The following VSTM4 variants were observed in gnomAD, a reference collection of about 807,000 sequenced individuals.
VSTM4 encodes the protein V-set and transmembrane domain containing 4.
Under a neutral mutation model 36.4 loss-of-function variants are expected in VSTM4, and 20 were observed. The ratio of observed to expected loss-of-function variants is 0.55; its 90% CI spans 0.39 to 0.80. The LOEUF (loss-of-function observed/expected upper bound fraction) is 0.80. Among genes scored for constraint, VSTM4 ranks in the 30% least tolerant of loss-of-function variants. VSTM4 has a pLI of 0.00. For missense variants in VSTM4, 392 were observed against 404.5 expected (o/e 0.97, Z 0.26); for synonymous variants, 182 against 173.9 (o/e 1.05, Z -0.37).
chr10:49,102,312 T>G (rs1475160728), intron 2 of VSTM4: 35 of 717,892 alleles, frequency 4.9e-5, no homozygotes, highest in Non-Finnish European at 5.1e-5. Flanking sequence ...AATTTTTGTA[T>G]TTTTGTAGAG....
chr10:49,021,240 C>T (rs1843177986), intron 7 of VSTM4, among the ~76,000 whole-genome samples: 1 of 151,346 alleles, frequency 6.6e-6, no homozygotes. Context: ...ATTCTTCACC[C>T]CAGGTTAATT....
At chr10:49,044,567 A>C (rs1843575378) in intron 7 of VSTM4, among the ~76,000 whole-genome samples, 1 of 141,360 alleles carries the variant, frequency 7.1e-6, no homozygotes, top group African/African-American at 2.6e-5. Flanking sequence ...GAAGGAAGGA[A>C]AAATTAAAGA....
chr10:49,035,880 T>C (rs1203729759), intron 7 of VSTM4, among the ~76,000 whole-genome samples: 22 of 152,216 alleles, frequency 1.4e-4, no homozygotes. Context: ...AGTAACTGTG[T>C]CACTTAGCCC....
At chr10:49,084,762 A>G (rs1158309636) in intron 3 of VSTM4, among the ~76,000 whole-genome samples, 2 of 152,244 alleles carry the variant, frequency 1.3e-5, no homozygotes, top group African/African-American at 4.8e-5. Context: ...GAGAACTCAC[A>G]AAGTGCATTC....
intron 7 of VSTM4, among the ~76,000 whole-genome samples, chr10:49,032,872 C>CAG (rs137995320): frequency 0.073 from 10,585 of 145,010 alleles, 497 homozygotes; most frequent in Non-Finnish European, 0.11. Context: ...GAGAGAAAGA[C>CAG]AGAGAGAGAG....
chr10:49,090,460 G>C (rs147824555), intron 2 of VSTM4, among the ~76,000 whole-genome samples: 10 of 152,340 alleles, frequency 6.6e-5, no homozygotes, highest in Non-Finnish European at 1.2e-4. Context: ...ATGACAGTCA[G>C]CTGGTGAGCC....
intron 7 of VSTM4, among the ~76,000 whole-genome samples, chr10:49,028,624 T>C (rs1456335790): frequency 6.6e-6 from 1 of 152,268 alleles, no homozygotes; most frequent in Non-Finnish European, 1.5e-5. Flanking sequence ...CTTTCCATGA[T>C]TCAGGCTGGA....
rs2131921511 is a variant in VSTM4, at chr10:49,016,095, C to T, written c.*3555G>A. 1.3e-5 allele frequency: 2 copies of T among 149,892 alleles called. No homozygotes were observed. Among genetic ancestry groups the T allele is most frequent in the South Asian group, 2.2e-4 (1 of 4,600 alleles). The allele number at this position is 149,892 out of a possible 1,614,324, so 9.3% of individuals were successfully genotyped here. A position where few individuals can be genotyped will look rare whatever the true frequency, so the allele number is the denominator to read the frequency against. On this transcript the variant is annotated 3_prime_UTR_variant, in exon 8 of 8. Transcript: ENST00000332853. ...AGCCACTGGGTGTGACCTAATTGGG[C>T]ACCCTGGGTACTGATATCAGTATTT...
At chr10:49,024,317 G>A (rs1028562225) in intron 7 of VSTM4, among the ~76,000 whole-genome samples, 2 of 152,214 alleles carry the variant, frequency 1.3e-5, no homozygotes, top group Non-Finnish European at 2.9e-5. Context: ...ACCAGCCAGT[G>A]AGAATCCACA....
intron 7 of VSTM4, among the ~76,000 whole-genome samples, chr10:49,037,817 T>C (rs901334283): frequency 6.6e-6 from 1 of 151,996 alleles, no homozygotes; most frequent in Non-Finnish European, 1.5e-5. Context: ...TAGCCATTTC[T>C]CCAAAGATAG....
chr10:49,081,353 T>C (rs1358572598), intron 3 of VSTM4, among the ~76,000 whole-genome samples: 1 of 152,212 alleles, frequency 6.6e-6, no homozygotes, highest in African/African-American at 2.4e-5. Context: ...GCCTTTAGTC[T>C]TATTCATGGA....
intron 4 of VSTM4, among the ~76,000 whole-genome samples, chr10:49,074,975 C>G (rs1380492798): frequency 6.6e-6 from 1 of 152,218 alleles, no homozygotes. Context: ...CATTGTCGCT[C>G]TCATCCAGGG....
At chr10:49,106,224 G>T (rs576299957) in intron 2 of VSTM4, among the ~76,000 whole-genome samples, 5 of 152,048 alleles carry the variant, frequency 3.3e-5, no homozygotes, top group Non-Finnish European at 5.9e-5. Flanking sequence ...CTTTAAAAAG[G>T]CTTGTCAAAA....
At chr10:49,087,323 A>G (rs887607346) in intron 2 of VSTM4, among the ~76,000 whole-genome samples, 2 of 152,178 alleles carry the variant, frequency 1.3e-5, no homozygotes, top group African/African-American at 4.8e-5. Flanking sequence ...TTTAATGTCT[A>G]TGCCTGATAA....
chr10:49,096,998 C>T (rs1018166548), intron 2 of VSTM4, among the ~76,000 whole-genome samples: 57 of 152,068 alleles, frequency 3.7e-4, no homozygotes, highest in African/African-American at 1.3e-3. Context: ...CTGTGGCCTC[C>T]CTAAGAGCAG....
At chr10:49,110,613 T>C (rs1844875632) in intron 1 of VSTM4, among the ~76,000 whole-genome samples, 1 of 152,100 alleles carries the variant, frequency 6.6e-6, no homozygotes, top group Admixed American at 6.6e-5. Context: ...AGATAGGGTC[T>C]TTAAAGGAGT....
rs1843086986 is a variant in VSTM4, at chr10:49,015,221, A to C, written c.*4429T>G. On this transcript the variant is annotated 3_prime_UTR_variant, in exon 8 of 8. Coordinates refer to ENST00000332853, the MANE Select transcript of VSTM4 (RefSeq NM_001031746.5). ...ACTGCAAGCTCCGCCTCCCGGGTTCATGCCATTCTCCTGCCTCAGCCTCCC... is the reference window on the plus strand; with the variant it reads ...ACTGCAAGCTCCGCCTCCCGGGTTCCTGCCATTCTCCTGCCTCAGCCTCCC... 1 of 148,748 alleles carries C rather than the reference A, an allele frequency of 6.7e-6. No homozygotes were observed. The highest frequency in any genetic ancestry group is 2.1e-4 in the South Asian group (1 of 4,730). The allele number at this position is 148,748 out of a possible 1,614,324, so 9.2% of individuals were successfully genotyped here.
chr10:49,033,540 G>A (rs1368345685), intron 7 of VSTM4, among the ~76,000 whole-genome samples: 7 of 152,106 alleles, frequency 4.6e-5, no homozygotes, highest in South Asian at 2.1e-4. Context: ...TCTGATTGCC[G>A]GCCTACTTCT....
intron 2 of VSTM4, chr10:49,103,065 T>C (rs1197591217): frequency 6.6e-6 from 1 of 152,340 alleles, no homozygotes; most frequent in East Asian, 1.9e-4. Context: ...TCAATTCACT[T>C]CTTGAAATTG....
Sources: allele counts gnomAD v4.1 joint callset (sites outside exome capture counted in the v4.1 genomes callset), GRCh38; gene constraint gnomAD v4.1.1; transcripts MANE v1.5; gene names NCBI Gene and HGNC (gene_info 2026-07-23, HGNC 2026-07-21).